PDE4B: variants seen among roughly 807,000 people sequenced by gnomAD.
PDE4B encodes 3',5'-cyclic-AMP phosphodiesterase 4B.
In PDE4B, 20 loss-of-function variants were observed where a neutral mutation model predicts 82.2. The ratio of observed to expected loss-of-function variants is 0.24; its 90% CI spans 0.17 to 0.35. The LOEUF is 0.35. PDE4B is among the 10% of genes least tolerant of loss of function. The pLI, the probability that PDE4B is intolerant of heterozygous loss-of-function variation, is 1.00. For synonymous variants in PDE4B, 320 were observed against 318.9 expected, an observed-to-expected ratio of 1.00 and a Z score of -0.04; for missense variants, 655 against 907.2, an observed-to-expected ratio of 0.72 and a Z score of 3.57.
intron 3 of PDE4B, among the ~76,000 whole-genome samples, chr1:66,226,886 T>A (rs1651498337): frequency 6.6e-6 from 1 of 152,136 alleles, no homozygotes; most frequent in Non-Finnish European, 1.5e-5. Flanking sequence ...TTGAAAAAAA[T>A]CCTCATAACA....
chr1:65,935,663 C>T (rs1019978698), intron 3 of PDE4B, among the ~76,000 whole-genome samples: 6 of 152,116 alleles, frequency 3.9e-5, no homozygotes, highest in African/African-American at 9.7e-5. Context: ...CAAACACAGC[C>T]GGGTGTGGTG....
At chr1:65,887,412 C>CTTTT (rs1285765740) in intron 1 of PDE4B, among the ~76,000 whole-genome samples, 100 of 6,904 alleles carry the variant, frequency 0.014, 2 homozygotes, top group Middle Eastern at 0.038. Context: ...TCTTTTTCTT[C>CTTTT]TGTTTTTTTT....
chr1:66,233,929 G>A (rs1485119985), intron 3 of PDE4B, among the ~76,000 whole-genome samples: 1 of 151,964 alleles, frequency 6.6e-6, no homozygotes, highest in African/African-American at 2.4e-5. Flanking sequence ...ATATAATTTT[G>A]TTAAGAATTG....
intron 3 of PDE4B, among the ~76,000 whole-genome samples, chr1:65,999,305 G>A (rs552560228): frequency 2.0e-5 from 3 of 152,198 alleles, no homozygotes; most frequent in South Asian, 2.1e-4. Context: ...GCATTTAAGC[G>A]ATTTCTTAGA....
At chr1:66,057,733 C>G (rs1186845757) in intron 3 of PDE4B, among the ~76,000 whole-genome samples, 1 of 152,142 alleles carries the variant, frequency 6.6e-6, no homozygotes, top group East Asian at 1.9e-4. Context: ...GTCACCAGAA[C>G]AGCAAGGGAG....
chr1:66,064,629 G>C (rs1655749998), intron 3 of PDE4B, among the ~76,000 whole-genome samples: 1 of 151,840 alleles, frequency 6.6e-6, no homozygotes, highest in South Asian at 2.1e-4. Context: ...CTTTTCCTCA[G>C]GGCTGTTTTC....
chr1:65,901,878 CATCTT>C (rs1391358424), intron 1 of PDE4B, among the ~76,000 whole-genome samples: 59 of 152,050 alleles, frequency 3.9e-4, no homozygotes, highest in Admixed American at 3.0e-3. Flanking sequence ...CTCTAGGTGT[CATCTT>C]AGATCATTGA....
At chr1:66,293,965 G>A (rs1657304331) in intron 7 of PDE4B, among the ~76,000 whole-genome samples, 1 of 152,200 alleles carries the variant, frequency 6.6e-6, no homozygotes, top group South Asian at 2.1e-4. Flanking sequence ...CAGCACTTTG[G>A]GAGGCCAAGC....
At chr1:66,299,422 C>T (rs1194545598) in intron 7 of PDE4B, among the ~76,000 whole-genome samples, 1 of 152,152 alleles carries the variant, frequency 6.6e-6, no homozygotes, top group African/African-American at 2.4e-5. Flanking sequence ...GAGTGAATAG[C>T]ATTCCATTAT....
chr1:66,021,667 C>A (rs1010424321), intron 3 of PDE4B, among the ~76,000 whole-genome samples: 2 of 152,130 alleles, frequency 1.3e-5, no homozygotes, highest in African/African-American at 4.8e-5. Flanking sequence ...TTCCATTGAT[C>A]TATATCTCTG....
At chr1:66,278,696 A>G (rs1245940737) in intron 7 of PDE4B, among the ~76,000 whole-genome samples, 4 of 152,230 alleles carry the variant, frequency 2.6e-5, no homozygotes, top group Non-Finnish European at 5.9e-5. Context: ...AGCTTTTCAC[A>G]TATTTGTAAG....
intron 8 of PDE4B, among the ~76,000 whole-genome samples, chr1:66,339,556 CAG>C (rs1660800178): frequency 6.6e-6 from 1 of 152,172 alleles, no homozygotes; most frequent in African/African-American, 2.4e-5. Flanking sequence ...AAAAAACAAA[CAG>C]AAATGAAGAG....
chr1:65,878,347 G>T (rs570664232), intron 1 of PDE4B, among the ~76,000 whole-genome samples: 14 of 152,280 alleles, frequency 9.2e-5, no homozygotes, highest in African/African-American at 2.9e-4. Context: ...TCTAGAACCA[G>T]AAATATCATT....
intron 3 of PDE4B, among the ~76,000 whole-genome samples, chr1:65,924,233 C>T (rs1434298861): frequency 4.8e-5 from 7 of 146,358 alleles, no homozygotes; most frequent in Non-Finnish European, 9.0e-5. Context: ...CGCCACTACG[C>T]CCGGCTAATT....
At chr1:66,360,384 A>T (rs1026710822) in intron 9 of PDE4B, 1 of 152,168 alleles carries the variant, frequency 6.6e-6, no homozygotes, top group African/African-American at 2.4e-5. Flanking sequence ...ACAGGGGCCT[A>T]TGAGCAGCCA....
At chr1:66,139,314 G>A (rs549414527) in intron 3 of PDE4B, among the ~76,000 whole-genome samples, 154 of 152,292 alleles carry the variant, frequency 1.0e-3, no homozygotes, top group South Asian at 8.1e-3. Flanking sequence ...GTAGGGCTGA[G>A]GTCCCTGTTT....
intron 3 of PDE4B, among the ~76,000 whole-genome samples, chr1:66,089,769 A>T (rs549231459): frequency 4.4e-4 from 67 of 152,214 alleles, no homozygotes; most frequent in Non-Finnish European, 8.7e-4. Context: ...TCTGTGTATT[A>T]TGAAGTACTC....
chr1:66,061,208 T>A (rs1202540851), intron 3 of PDE4B, among the ~76,000 whole-genome samples: 2 of 149,710 alleles, frequency 1.3e-5, no homozygotes, highest in Non-Finnish European at 3.0e-5. Context: ...AGGGAAGCAT[T>A]GTATAAGAAG....
At chr1:66,354,762 T>G in intron 8 of PDE4B, 2 of 1,523,052 alleles carry the variant, frequency 1.3e-6, no homozygotes, top group Non-Finnish European at 1.8e-6. Context: ...CTGCAGGGCT[T>G]TCCTGATCCT....
Sources: gnomAD v4.1 joint callset for allele counts (sites outside exome capture counted in the v4.1 genomes callset) on GRCh38, gnomAD v4.1.1 for gene constraint, MANE v1.5 for transcripts, NCBI Gene and HGNC (gene_info 2026-07-23, HGNC 2026-07-21) for gene names.